Variants in TET2 observed in about 807,000 individuals in gnomAD.
TET2 encodes the protein tet methylcytosine dioxygenase 2.
A neutral mutation model predicts 142.9 loss-of-function variants in TET2; 299 were observed. That is an observed-to-expected ratio of 2.09 (90% CI 1.90 to 2.30). TET2 has a LOEUF of 2.30. Ranked by LOEUF, TET2 falls within the 30% of genes most tolerant of loss-of-function variation. The pLI, the probability that TET2 is intolerant of heterozygous loss-of-function variation, is 0.00. For missense variants in TET2, 2,418 were observed against 2,378.0 expected (o/e 1.02, Z -0.35); for synonymous variants, 819 against 849.0 (o/e 0.96, Z 0.61).
At position 105,272,563 on chromosome 4, in the gene TET2, G is replaced by GGTA; in HGVS notation, c.4183_4185dup (p.Val1395dup). Reference sequence around the variant, plus strand: ...GCTGTAATGTCTTACTTCCCTACCAGGTATGCACTCTCACTAGAGAAGACA... The same window carrying GGTA: ...GCTGTAATGTCTTACTTCCCTACCAGGTAGTATGCACTCTCACTAGAGAAGACA... On this transcript the variant is annotated inframe_insertion and splice_region_variant. Coordinates refer to ENST00000380013, the MANE Select transcript of TET2 (RefSeq NM_001127208.3). 6.6e-7 allele frequency: 1 copy of GGTA among 1,517,538 alleles called. No homozygotes were observed. Among genetic ancestry groups the GGTA allele is most frequent in the Non-Finnish European group, 8.8e-7 (1 of 1,131,388 alleles). The allele number at this position is 1,517,538 out of a possible 1,614,324, so 94.0% of individuals were successfully genotyped here.
chr4:105,196,993 G>A (rs1280289341), intron 2 of TET2, among the ~76,000 whole-genome samples: 1 of 152,174 alleles, frequency 6.6e-6, no homozygotes, highest in Non-Finnish European at 1.5e-5. Context: ...GGGAAGAGGT[G>A]TGGGAGTCGA....
chr4:105,240,744 T>G, intron 3 of TET2: 1 of 1,080,060 alleles, frequency 9.3e-7, no homozygotes, highest in South Asian at 4.6e-5. Context: ...CAGCCCCTTC[T>G]TTTTGCCTGA....
intron 2 of TET2, among the ~76,000 whole-genome samples, chr4:105,219,596 C>G (rs1344088860): frequency 1.3e-5 from 2 of 151,930 alleles, no homozygotes. Flanking sequence ...TTTAGTTGAC[C>G]AACTCTAATA....
At chr4:105,160,151 C>CCATTATACCTG (rs1723777162) in intron 1 of TET2, among the ~76,000 whole-genome samples, 1 of 152,176 alleles carries the variant, frequency 6.6e-6, no homozygotes, top group Non-Finnish European at 1.5e-5. Flanking sequence ...ACCTGCCTCT[C>CCATTATACCTG]CCCTTTCCCC....
intron 6 of TET2, among the ~76,000 whole-genome samples, chr4:105,253,293 C>A (rs1560559481): frequency 6.6e-6 from 1 of 152,140 alleles, no homozygotes; most frequent in African/African-American, 2.4e-5. Context: ...GCCATCTTGA[C>A]AATACACATC....
intron 2 of TET2, among the ~76,000 whole-genome samples, chr4:105,213,942 C>T (rs922088264): frequency 5.9e-5 from 9 of 152,064 alleles, no homozygotes; most frequent in African/African-American, 1.9e-4. Flanking sequence ...TCACTGCAAC[C>T]TCTGCTGCTG....
chr4:105,269,866 C>T (rs777259781), intron 9 of TET2, 119 bp downstream of exon 9: 3 of 1,259,346 alleles, frequency 2.4e-6, no homozygotes, highest in Non-Finnish European at 2.2e-6. Context: ...CACAGTTCCA[C>T]ATGGCTGTGG....
intron 6 of TET2, among the ~76,000 whole-genome samples, chr4:105,255,288 A>G (rs975708275): frequency 2.6e-5 from 4 of 152,136 alleles, no homozygotes; most frequent in Non-Finnish European, 5.9e-5. Flanking sequence ...ATAGGAGTAT[A>G]TTTTTACCTA....
chr4:105,243,567 C>A lies in TET2; in HGVS notation c.3595-3C>A. ...GTTTGGGATGGAATGGTGATCCACG[C>A]AGGTGGTTCGCAGAAGCAGCAGTGA... On this transcript the variant is annotated splice_region_variant and splice_polypyrimidine_tract_variant and intron_variant, in intron 5 of 10. Transcript: ENST00000380013. The A allele has an allele frequency of 6.4e-7, 1 of 1,551,430 alleles. No homozygotes were observed. The highest frequency in any genetic ancestry group is 8.7e-7 in the Non-Finnish European group (1 of 1,146,880).
chr4:105,275,737 A>G lies in TET2; in HGVS notation c.5227A>G (p.Asn1743Asp), dbSNP rs1163234571. ...FMGATSRLPPNLSNPNMDYKN... is the reference protein window; with the variant it reads ...FMGATSRLPPDLSNPNMDYKN... ...GGGAGCCACCTCTAGATTACCACCC[A>G]ATCTGAGCAATCCAAACATGGACTA... The change falls in exon 11 of 11, where the codon AAT becomes GAT. Residue 1743 changes from asparagine to aspartate, a missense_variant. Physicochemically the swap from Asn to Asp is conservative, Grantham distance 23. Coordinates refer to ENST00000380013, the MANE Select transcript of TET2 (RefSeq NM_001127208.3). The G allele has an allele frequency of 3.9e-6, 6 of 1,551,614 alleles. No homozygotes were observed. The highest frequency in any genetic ancestry group is 1.7e-4 in the Middle Eastern group (1 of 6,016).
intron 1 of TET2, among the ~76,000 whole-genome samples, chr4:105,154,241 A>C (rs946729635): frequency 3.3e-5 from 5 of 152,238 alleles, no homozygotes; most frequent in Admixed American, 1.3e-4. Flanking sequence ...GCTGAAACCC[A>C]CTGAATTATA....
chr4:105,184,024 A>G (rs1025143769), intron 1 of TET2, among the ~76,000 whole-genome samples: 11 of 152,128 alleles, frequency 7.2e-5, no homozygotes, highest in African/African-American at 2.4e-4. Flanking sequence ...AGGCTTTTCA[A>G]AGTTAAGATT....
chr4:105,248,946 A>G (rs546151671), intron 6 of TET2, among the ~76,000 whole-genome samples: 88 of 149,464 alleles, frequency 5.9e-4, no homozygotes, highest in South Asian at 1.5e-3. Context: ...ATGTACCTCA[A>G]TGTTTTCAAG....
At position 105,244,584 on chromosome 4, in the gene TET2, A is replaced by ATCTTTTTTTTTTTTTTTTTTTTT. The variant is rs1237638072; in HGVS notation, c.3803+807_3803+808insCTTTTTTTTTTTTTTTTTTTTTT. ...TGAATGTTCACGGTGCTACACAGAAATGTTTTTTTTTTTTTTTTTTTTTTT... is the reference window on the plus strand; with the variant it reads ...TGAATGTTCACGGTGCTACACAGAAATCTTTTTTTTTTTTTTTTTTTTTTGTTTTTTTTTTTTTTTTTTTTTTT... On this transcript the variant is annotated intron_variant, in intron 6 of 10. Transcript: ENST00000380013. Among the ~76,000 whole-genome samples the ATCTTTTTTTTTTTTTTTTTTTTT allele has an allele frequency of 9.4e-5, 11 of 116,756 alleles. 1 individual carries two copies. The highest frequency in any genetic ancestry group is 1.1e-4 in the African/African-American group (3 of 28,436). 76.6% of individuals were successfully genotyped at this position (116,756 alleles called of 152,430 possible).
chr4:105,194,566 A>G (rs1725969977), intron 2 of TET2, among the ~76,000 whole-genome samples: 1 of 152,160 alleles, frequency 6.6e-6, no homozygotes, highest in South Asian at 2.1e-4. Flanking sequence ...TTAGACTTTA[A>G]GACTTCATTG....
intron 6 of TET2, among the ~76,000 whole-genome samples, chr4:105,250,893 G>A (rs945150548): frequency 6.6e-6 from 1 of 151,754 alleles, no homozygotes. Flanking sequence ...TGTTGGCCAG[G>A]CTGGTCTCAA....
intron 2 of TET2, among the ~76,000 whole-genome samples, chr4:105,220,995 A>T (rs1381840385): frequency 6.6e-6 from 1 of 152,196 alleles, no homozygotes; most frequent in Non-Finnish European, 1.5e-5. Context: ...AATGTATCCT[A>T]GACAGTGTTC....
chr4:105,163,435 C>T (rs112634282), intron 1 of TET2, among the ~76,000 whole-genome samples: 2,097 of 152,242 alleles, frequency 0.014, 30 homozygotes, highest in Middle Eastern at 0.058. Flanking sequence ...CTTGCATTTA[C>T]AGATGAGAAA....
chr4:105,175,476 G>GA (rs1318512310), intron 1 of TET2, among the ~76,000 whole-genome samples: 1 of 151,848 alleles, frequency 6.6e-6, no homozygotes, highest in Non-Finnish European at 1.5e-5. Context: ...CATAGCCGAG[G>GA]AAAAAATCTT....
Sources: allele counts gnomAD v4.1 joint callset (sites outside exome capture counted in the v4.1 genomes callset), GRCh38; gene constraint gnomAD v4.1.1; transcripts MANE v1.5; gene names NCBI Gene and HGNC (gene_info 2026-07-23, HGNC 2026-07-21).